Variants in DDX52 observed in about 807,000 individuals in gnomAD.
The protein encoded by DDX52 is probable ATP-dependent RNA helicase DDX52.
DDX52 carries 59 observed loss-of-function variants against 76.1 expected under a neutral mutation model. The ratio of observed to expected loss-of-function variants is 0.78; its 90% CI spans 0.63 to 0.96. The LOEUF (loss-of-function observed/expected upper bound fraction) is 0.96. DDX52 is among the 40% of genes least tolerant of loss of function. The probability of loss-of-function intolerance (pLI) is 0.00; values close to 1 mark genes in which losing one functional copy is unlikely to be tolerated. For missense variants in DDX52, 707 were observed against 703.9 expected (o/e 1.00, Z -0.05); for synonymous variants, 231 against 244.1 (o/e 0.95, Z 0.50).
chr17:37,614,478 G>C, intron 14 of DDX52, 125 bp from the exon 15 acceptor site: 1 of 872,106 alleles, frequency 1.1e-6, no homozygotes, highest in Non-Finnish European at 1.7e-6. Context: ...GAGGCACTAG[G>C]AACACAAAGA....
rs532424806 is a variant in DDX52, at chr17:37,637,636, G to A, written c.287-4218C>T. Among the ~76,000 whole-genome samples, 464 of 151,212 alleles carry A rather than the reference G, an allele frequency of 3.1e-3. 3 individuals carry two copies. The highest frequency in any genetic ancestry group is 0.011 in the African/African-American group (443 of 41,204). ...GTTGCCCAGGCTGGAGTGCAATGGC[G>A]TGATCTCGGCTCACTGCAACCTCTG... On this transcript the variant is annotated intron_variant, in intron 2 of 14. Coordinates refer to ENST00000617633, the MANE Select transcript of DDX52 (RefSeq NM_007010.5).
chr17:37,642,035 TAGCCATA>T, intron 2 of DDX52, 68 bp downstream of exon 2: 1 of 1,570,560 alleles, frequency 6.4e-7, no homozygotes, highest in Non-Finnish European at 8.7e-7. Flanking sequence ...GTCTGACTTG[TAGCCATA>T]AGCCTGTATT....
intron 6 of DDX52, among the ~76,000 whole-genome samples, chr17:37,628,076 C>A (rs2030481462): frequency 6.6e-6 from 1 of 152,100 alleles, no homozygotes; most frequent in Non-Finnish European, 1.5e-5. Context: ...AGGTGTGAGC[C>A]ACTGCACCCA....
intron 1 of DDX52, chr17:37,642,735 G>A (rs929239871): frequency 5.1e-6 from 1 of 195,278 alleles, no homozygotes; most frequent in Non-Finnish European, 1.0e-5. Context: ...AGAGAAAGAA[G>A]AAACACATGT....
chr17:37,619,390 A>T (rs2029957031), intron 13 of DDX52, among the ~76,000 whole-genome samples: 1 of 152,184 alleles, frequency 6.6e-6, no homozygotes, highest in South Asian at 2.1e-4. Context: ...AGGAAATAAC[A>T]TGTAATATTC....
Position 37,642,205 on chromosome 17 carries a change from G to GT in DDX52, c.190dup (p.Thr64AsnfsTer17), listed in dbSNP as rs770397979. ...CTCTCCATTTTGGGGCTTCTGATGT[G>GT]TTTGTGATGCTCCACACACACCTGG... is the stretch of plus-strand genomic sequence containing the variant. On this transcript the variant is annotated frameshift_variant, in exon 2 of 15. Coordinates refer to ENST00000617633, the MANE Select transcript of DDX52 (RefSeq NM_007010.5). LOFTEE classifies it high-confidence loss of function. The GT allele has an allele frequency of 1.5e-5, 25 of 1,613,856 alleles. No individual in the cohort carries two copies. The highest frequency in any genetic ancestry group is 2.1e-5 in the Non-Finnish European group (25 of 1,179,974).
intron 8 of DDX52, among the ~76,000 whole-genome samples, chr17:37,624,935 T>C (rs1025510765): frequency 7.9e-5 from 12 of 152,134 alleles, no homozygotes; most frequent in African/African-American, 2.9e-4. Context: ...TATTTAAATA[T>C]ACATTAACCA....
intron 5 of DDX52, among the ~76,000 whole-genome samples, chr17:37,629,280 G>C (rs1325156776): frequency 7.0e-6 from 1 of 142,254 alleles, no homozygotes; most frequent in Admixed American, 7.0e-5. Flanking sequence ...CACACACATA[G>C]TACTATTACA....
intron 5 of DDX52, among the ~76,000 whole-genome samples, chr17:37,629,231 ACAC>A (rs2030555210): frequency 3.6e-4 from 1 of 2,780 alleles, no homozygotes; most frequent in East Asian, 0.083. Context: ...GAAAAAATAC[ACAC>A]ACACACACAC....
rs763234857 is a variant in DDX52, at chr17:37,633,325, A to G, written c.380T>C (p.Leu127Pro). 8.3e-5 allele frequency: 134 copies of G among 1,611,542 alleles called. 1 individual carries two copies. Among genetic ancestry groups the G allele is most frequent in the Admixed American group, 1.2e-4 (7 of 59,850 alleles). ...EDKKVQRESK[L>P]TSGKLENLRK... is the part of the protein sequence containing the mutation. ...GAGATTCTCCAACTTTCCGGAAGTT[A>G]GTTTACTTTCTCTCTGAACTTTTTT... The change falls in exon 3 of 15, where the codon CTA becomes CCA. Residue 127 changes from leucine to proline, a missense_variant. Coordinates refer to ENST00000617633, the MANE Select transcript of DDX52 (RefSeq NM_007010.5).
At chr17:37,615,817 C>G (rs1347143241) in intron 14 of DDX52, among the ~76,000 whole-genome samples, 1 of 151,976 alleles carries the variant, frequency 6.6e-6, no homozygotes, top group Non-Finnish European at 1.5e-5. Context: ...AGATCAAGAC[C>G]ACCCTGGCCA....
Position 37,614,277 on chromosome 17 carries a change from GTAT to G in DDX52, c.*16_*18del. 1.2e-6 allele frequency: 2 copies of G among 1,609,482 alleles called. No homozygotes were observed. Among genetic ancestry groups the G allele is most frequent in the Non-Finnish European group, 1.7e-6 (2 of 1,177,994 alleles). The stretch of plus-strand genomic sequence containing the variant: ...ATCATAAAATTACATTTCTGGGACA[GTAT>G]TTTTAAAGTCTGTTTTTAACTTTTG... On this transcript the variant is annotated 3_prime_UTR_variant, in exon 15 of 15. Coordinates refer to ENST00000617633, the MANE Select transcript of DDX52 (RefSeq NM_007010.5).
intron 6 of DDX52, 105 bp from the exon 7 acceptor site, chr17:37,626,965 G>T: frequency 1.2e-6 from 1 of 835,552 alleles, no homozygotes; most frequent in Non-Finnish European, 1.9e-6. Context: ...GTGGGAAGTA[G>T]TCATAGCCAA....
chr17:37,643,186 C>A (rs2031280178), intron 1 of DDX52, 148 bp downstream of exon 1: 2 of 725,110 alleles, frequency 2.8e-6, no homozygotes, highest in African/African-American at 1.8e-5. Context: ...TGCAGGCAAG[C>A]CGAACACAAA....
At chr17:37,634,271 A>G (rs1178761975) in intron 2 of DDX52, among the ~76,000 whole-genome samples, 2 of 152,094 alleles carry the variant, frequency 1.3e-5, no homozygotes, top group East Asian at 1.9e-4. Context: ...TCAATAAGGC[A>G]GCCACGTTCT....
At chr17:37,641,960 C>T in intron 2 of DDX52, 150 bp downstream of exon 2, 1 of 908,932 alleles carries the variant, frequency 1.1e-6, no homozygotes, top group Non-Finnish European at 1.7e-6. Flanking sequence ...TTTGCTGTAA[C>T]AATATTTCTA....
intron 14 of DDX52, among the ~76,000 whole-genome samples, chr17:37,615,469 G>A (rs1164003700): frequency 5.9e-5 from 9 of 152,094 alleles, no homozygotes; most frequent in African/African-American, 1.9e-4. Context: ...CTTGAGTCCA[G>A]GAGTTTGAGA....
chr17:37,618,375 CTTTT>C lies in DDX52; in HGVS notation c.1655_1658del (p.Gln552ArgfsTer4). 1 of 1,581,938 alleles carries C rather than the reference CTTTT, an allele frequency of 6.3e-7. No homozygotes were observed. The highest frequency in any genetic ancestry group is 8.5e-7 in the Non-Finnish European group (1 of 1,170,414). Reference sequence around the variant, plus strand: ...CCAATGGTTTCTTAATCATCTTTTTCTTTTGTTTGCTGAAAGTTACAAAGTAAAA... The same window carrying C: ...CCAATGGTTTCTTAATCATCTTTTTCGTTTGCTGAAAGTTACAAAGTAAAA... On this transcript the variant is annotated frameshift_variant, in exon 14 of 15. Transcript: ENST00000617633. LOFTEE classifies it high-confidence loss of function.
chr17:37,624,691 G>C (rs1025474879), intron 8 of DDX52, among the ~76,000 whole-genome samples: 1 of 151,940 alleles, frequency 6.6e-6, no homozygotes, highest in African/African-American at 2.4e-5. Context: ...TCAGGTATTT[G>C]ATTAGTTATA....
Sources: gnomAD v4.1 joint callset for allele counts (sites outside exome capture counted in the v4.1 genomes callset) on GRCh38, gnomAD v4.1.1 for gene constraint, MANE v1.5 for transcripts, NCBI Gene and HGNC (gene_info 2026-07-23, HGNC 2026-07-21) for gene names.